Variants in PRKN observed in about 807,000 individuals in gnomAD.
The protein encoded by PRKN is E3 ubiquitin-protein ligase parkin.
Under a neutral mutation model 59.5 loss-of-function variants are expected in PRKN, and 56 were observed. The ratio of observed to expected loss-of-function variants is 0.94; its 90% confidence interval spans 0.76 to 1.18. The LOEUF (loss-of-function observed/expected upper bound fraction) is 1.18, where lower values mean the gene tolerates loss of function less well. Ranked by LOEUF, PRKN falls within the 50% of genes most tolerant of loss-of-function variation. PRKN has a pLI of 0.00. For synonymous variants in PRKN, 250 were observed against 222.1 expected (o/e 1.13, Z -1.12); for missense variants, 657 against 596.4 (o/e 1.10, Z -1.06).
intron 5 of PRKN, among the ~76,000 whole-genome samples, chr6:161,979,874 C>A (rs572528150): frequency 2.5e-4 from 38 of 152,268 alleles, no homozygotes; most frequent in African/African-American, 9.1e-4. Context: ...TCACCCATGA[C>A]TCATAAGCAG....
intron 7 of PRKN, among the ~76,000 whole-genome samples, chr6:161,667,457 C>T (rs1027901536): frequency 2.0e-5 from 3 of 152,204 alleles, no homozygotes; most frequent in African/African-American, 7.2e-5. Context: ...ACAGGTCAAT[C>T]TCCTGCGATG....
intron 7 of PRKN, among the ~76,000 whole-genome samples, chr6:161,680,767 ATATATATATT>A (rs1453875212): frequency 9.0e-4 from 11 of 12,240 alleles, no homozygotes; most frequent in African/African-American, 1.6e-3. Context: ...ATATATATAT[ATATATATATT>A]TTTTTTTTTT....
chr6:161,698,501 T>C (rs897683097), intron 7 of PRKN, among the ~76,000 whole-genome samples: 1 of 152,124 alleles, frequency 6.6e-6, no homozygotes, highest in Admixed American at 6.6e-5. Flanking sequence ...GCAAATGACT[T>C]AGAATATGTA....
At position 161,550,738 on chromosome 6, in the gene PRKN, C is replaced by CGTGTGTGTGTGAGTGT. The variant is rs1554275155; in HGVS notation, c.934-1736_934-1735insACACTCACACACACAC. 2.1e-5 allele frequency among the ~76,000 whole-genome samples: 3 copies of CGTGTGTGTGTGAGTGT among 146,192 alleles called. No homozygotes were observed. Among genetic ancestry groups the CGTGTGTGTGTGAGTGT allele is most frequent in the Non-Finnish European group, 4.5e-5 (3 of 66,762 alleles). ...AAGAAAGGGTATGTGTGTGTGTGCA[C>CGTGTGTGTGTGAGTGT]GTGTGTGTGTGTGTGTGTGTGTGTA... On this transcript the variant is annotated intron_variant, in intron 8 of 11. Coordinates refer to ENST00000366898, the MANE Select transcript of PRKN (RefSeq NM_004562.3). This position sits in a 1 kb window ranked among gnomAD's most constrained non-coding sequence, Gnocchi z 4.0.
At chr6:162,423,705 T>A (rs546684638) in intron 2 of PRKN, among the ~76,000 whole-genome samples, 3 of 152,212 alleles carry the variant, frequency 2.0e-5, no homozygotes, top group Non-Finnish European at 4.4e-5. Context: ...CAGAAATTGA[T>A]GAAGACTTCA....
chr6:162,548,108 C>T (rs867800852), intron 1 of PRKN, among the ~76,000 whole-genome samples: 27 of 151,956 alleles, frequency 1.8e-4, no homozygotes, highest in Non-Finnish European at 8.8e-5. Context: ...TCACCAGGCT[C>T]GTGTGCAGTG....
chr6:162,677,512 A>C (rs1584032113), intron 1 of PRKN, among the ~76,000 whole-genome samples: 1 of 149,564 alleles, frequency 6.7e-6, no homozygotes, highest in African/African-American at 2.5e-5. Context: ...TGAAATTATC[A>C]TATTTAATAG....
At chr6:162,217,064 T>A (rs961482312) in intron 3 of PRKN, among the ~76,000 whole-genome samples, 1 of 152,194 alleles carries the variant, frequency 6.6e-6, no homozygotes, top group African/African-American at 2.4e-5. Context: ...TATCCTTGTA[T>A]AAATGTATAT....
At chr6:162,131,230 T>A (rs565840716) in intron 4 of PRKN, among the ~76,000 whole-genome samples, 21 of 152,250 alleles carry the variant, frequency 1.4e-4, no homozygotes, top group African/African-American at 4.8e-4. Flanking sequence ...GGAGATCACA[T>A]GATGACACCC....
rs985590637 is a variant in PRKN at position 161,468,320 on chromosome 6, T to A, written c.1083+80534A>T. Among the ~76,000 whole-genome samples, 3 of 152,020 alleles carry A rather than the reference T, an allele frequency of 2.0e-5. No individual in the cohort carries two copies. Among genetic ancestry groups the A allele is most frequent in the Non-Finnish European group, 4.4e-5 (3 of 68,010 alleles). On this transcript the variant is annotated intron_variant, in intron 9 of 11. Transcript: ENST00000366898. The surrounding 1 kb of genome is among the most constrained non-coding windows in gnomAD (Gnocchi z 5.9). ...AAAACAAAAAAAAAACAGCCAAACC[T>A]AATCTTCAATCTGAAATAGTGTACT...
At chr6:162,295,510 T>C (rs1024418923) in intron 2 of PRKN, among the ~76,000 whole-genome samples, 3 of 152,076 alleles carry the variant, frequency 2.0e-5, no homozygotes, top group Non-Finnish European at 2.9e-5. Flanking sequence ...CACACATGCG[T>C]CTCCCCTCCA....
At chr6:161,879,423 C>G (rs1794849947) in intron 6 of PRKN, among the ~76,000 whole-genome samples, 1 of 148,394 alleles carries the variant, frequency 6.7e-6, no homozygotes, top group African/African-American at 2.5e-5. Context: ...TCTTGGCTCA[C>G]TGCAACCTCC....
At chr6:162,011,872 C>T (rs9458434) in intron 5 of PRKN, among the ~76,000 whole-genome samples, 73,451 of 149,874 alleles carry the variant, frequency 0.49, 18,050 homozygotes, top group East Asian at 0.6. Flanking sequence ...GTTTTATTGA[C>T]TAGGAAAATT....
chr6:162,716,807 C>T (rs924727882), intron 1 of PRKN, among the ~76,000 whole-genome samples: 3 of 150,140 alleles, frequency 2.0e-5, no homozygotes, highest in African/African-American at 7.4e-5. Flanking sequence ...CACACACACA[C>T]AGACTCCTCA....
chr6:161,509,195 CTTTTCTT>C (rs1292017611), intron 9 of PRKN, among the ~76,000 whole-genome samples: 2 of 74,548 alleles, frequency 2.7e-5, no homozygotes, highest in African/African-American at 5.5e-5. Context: ...TATCTAAAGA[CTTTTCTT>C]TTTTTTTTTT....
Position 161,371,798 on chromosome 6 carries a change from C to A in PRKN, c.1168-11593G>T, listed in dbSNP as rs1785455397. ...GGATTACAGGCATGCACCACCCCAC[C>A]TCGCTAATTTTTGTATTTTTAGTAG... On this transcript the variant is annotated intron_variant, in intron 10 of 11. Coordinates refer to ENST00000366898, the MANE Select transcript of PRKN (RefSeq NM_004562.3). The surrounding 1 kb of genome is among the most constrained non-coding windows in gnomAD (Gnocchi z 5.5). Among the ~76,000 whole-genome samples, 1 of 152,166 alleles carries A rather than the reference C, an allele frequency of 6.6e-6. No individual in the cohort carries two copies. Among genetic ancestry groups the A allele is most frequent in the Non-Finnish European group, 1.5e-5 (1 of 68,040 alleles).
intron 6 of PRKN, among the ~76,000 whole-genome samples, chr6:161,826,122 A>G (rs1270298219): frequency 6.6e-6 from 1 of 152,196 alleles, no homozygotes; most frequent in Admixed American, 6.5e-5. Flanking sequence ...TCTAGCAGGT[A>G]GGAGCCCTCA....
chr6:162,160,890 CAAAAAAAAA>C (rs56320816), intron 4 of PRKN, among the ~76,000 whole-genome samples: 15 of 80,276 alleles, frequency 1.9e-4, no homozygotes, highest in South Asian at 6.1e-4. Flanking sequence ...GACTCCGTCT[CAAAAAAAAA>C]AAAAAAAAAA....
intron 5 of PRKN, among the ~76,000 whole-genome samples, chr6:162,039,557 T>C (rs1431023291): frequency 6.6e-6 from 1 of 152,174 alleles, no homozygotes; most frequent in Non-Finnish European, 1.5e-5. Context: ...CCCAGAAGAC[T>C]CCTCTTCACC....
Sources: gnomAD v4.1 joint callset for allele counts (sites outside exome capture counted in the v4.1 genomes callset) on GRCh38, gnomAD v4.1.1 for gene constraint, Gnocchi (gnomAD v3.1) non-coding constraint, MANE v1.5 for transcripts, NCBI Gene and HGNC (gene_info 2026-07-23, HGNC 2026-07-21) for gene names.